Variants in MGAT4C observed in about 807,000 individuals in gnomAD.
MGAT4C encodes MGAT4 family member C.
In MGAT4C, 19 loss-of-function variants were observed where a neutral mutation model predicts 40.1. The ratio of observed to expected loss-of-function variants is 0.47; its 90% CI spans 0.33 to 0.70. The LOEUF is 0.70. Among genes scored for constraint, MGAT4C ranks in the 30% least tolerant of loss-of-function variants. MGAT4C has a pLI of 0.02. For synonymous variants in MGAT4C, 181 were observed against 187.1 expected (o/e 0.97, Z 0.27); for missense variants, 491 against 563.2 (o/e 0.87, Z 1.30).
At chr12:86,143,727 T>C (rs535574598) in intron 1 of MGAT4C, among the ~76,000 whole-genome samples, 5 of 152,202 alleles carry the variant, frequency 3.3e-5, no homozygotes, top group South Asian at 4.2e-4. Flanking sequence ...ACTTGAAAAC[T>C]TGAGTGGCAG....
intron 1 of MGAT4C, among the ~76,000 whole-genome samples, chr12:86,113,305 AT>A (rs1365365965): frequency 6.6e-6 from 1 of 151,832 alleles, no homozygotes; most frequent in Admixed American, 6.6e-5. Flanking sequence ...CTTAAGCAAT[AT>A]TGATGTAGAG....
chr12:86,678,837 T>C (rs1039764061), intron 2 of MGAT4C, among the ~76,000 whole-genome samples: 14 of 152,062 alleles, frequency 9.2e-5, no homozygotes, highest in East Asian at 1.9e-4. Context: ...CATTGTTGGA[T>C]ATTTGGGTTG....
intron 1 of MGAT4C, among the ~76,000 whole-genome samples, chr12:86,777,292 T>C (rs752263934): frequency 6.6e-6 from 1 of 152,210 alleles, no homozygotes; most frequent in Non-Finnish European, 1.5e-5. Context: ...TTAATATATT[T>C]ACCATGGTTA....
At chr12:86,649,980 A>G (rs1182087644) in intron 2 of MGAT4C, among the ~76,000 whole-genome samples, 1 of 152,012 alleles carries the variant, frequency 6.6e-6, no homozygotes, top group Non-Finnish European at 1.5e-5. Context: ...GCAATGCACC[A>G]TCAGTCTGGA....
chr12:86,772,118 T>A (rs1951649965), intron 1 of MGAT4C, among the ~76,000 whole-genome samples: 1 of 152,152 alleles, frequency 6.6e-6, no homozygotes, highest in African/African-American at 2.4e-5. Flanking sequence ...TGTGGCTGAA[T>A]GACCATTTGC....
At chr12:86,437,504 A>G (rs1217571779) in intron 2 of MGAT4C, among the ~76,000 whole-genome samples, 5 of 151,916 alleles carry the variant, frequency 3.3e-5, no homozygotes, top group Non-Finnish European at 5.9e-5. Context: ...CATATTAGTT[A>G]AATGACTTAT....
intron 2 of MGAT4C, among the ~76,000 whole-genome samples, chr12:86,006,702 C>A (rs1039191317): frequency 1.3e-5 from 2 of 152,104 alleles, no homozygotes; most frequent in Admixed American, 6.6e-5. Flanking sequence ...AACATCTGAT[C>A]AAATTTTTCA....
intron 1 of MGAT4C, among the ~76,000 whole-genome samples, chr12:86,782,667 C>T (rs1473449353): frequency 6.6e-6 from 1 of 151,924 alleles, no homozygotes; most frequent in Non-Finnish European, 1.5e-5. Context: ...TGTTTTCAGA[C>T]ATAAGGCCTT....
At chr12:86,182,165 C>T (rs1399669666) in intron 1 of MGAT4C, among the ~76,000 whole-genome samples, 3 of 152,068 alleles carry the variant, frequency 2.0e-5, no homozygotes, top group Non-Finnish European at 4.4e-5. Context: ...TGAATATCAA[C>T]ATTTTATATT....
chr12:86,702,394 C>T (rs1191539797), intron 2 of MGAT4C, among the ~76,000 whole-genome samples: 1 of 152,040 alleles, frequency 6.6e-6, no homozygotes, highest in African/African-American at 2.4e-5. Flanking sequence ...AAGATGCCAT[C>T]CAGGACTGTC....
chr12:86,711,700 G>A (rs1046881665), intron 2 of MGAT4C, among the ~76,000 whole-genome samples: 1 of 152,006 alleles, frequency 6.6e-6, no homozygotes, highest in African/African-American at 2.4e-5. Flanking sequence ...TTATTAAGCT[G>A]ATATTTTTAA....
intron 2 of MGAT4C, among the ~76,000 whole-genome samples, chr12:86,626,553 T>C (rs11610166): frequency 0.12 from 17,993 of 152,190 alleles, 1,747 homozygotes; most frequent in African/African-American, 0.27. Context: ...TAAAAGAGAA[T>C]GGATCTGAAG....
chr12:86,704,419 A>T (rs1016115880), intron 2 of MGAT4C, among the ~76,000 whole-genome samples: 1 of 152,102 alleles, frequency 6.6e-6, no homozygotes, highest in East Asian at 1.9e-4. Context: ...GGAAAAAAAA[A>T]CATATACATG....
chr12:86,118,951 C>T (rs1379261067), intron 1 of MGAT4C, among the ~76,000 whole-genome samples: 1 of 151,804 alleles, frequency 6.6e-6, no homozygotes, highest in Non-Finnish European at 1.5e-5. Flanking sequence ...TGTATAATTT[C>T]AATAGATGAG....
chr12:86,317,700 G>T (rs1368656001), intron 4 of MGAT4C, among the ~76,000 whole-genome samples: 1 of 151,606 alleles, frequency 6.6e-6, no homozygotes, highest in Non-Finnish European at 1.5e-5. Flanking sequence ...AGGCAACTTT[G>T]GCTAAAAATA....
At chr12:86,389,379 C>CT (rs1354642063) in intron 3 of MGAT4C, among the ~76,000 whole-genome samples, 70 of 152,268 alleles carry the variant, frequency 4.6e-4, no homozygotes, top group African/African-American at 1.4e-3. Flanking sequence ...TGATGTCATT[C>CT]TTTTTTATGG....
At chr12:86,365,160 G>T (rs1955564242) in intron 3 of MGAT4C, among the ~76,000 whole-genome samples, 1 of 152,106 alleles carries the variant, frequency 6.6e-6, no homozygotes, top group African/African-American at 2.4e-5. Flanking sequence ...CTTTCTCAGG[G>T]ATGTTCCTTG....
intron 2 of MGAT4C, among the ~76,000 whole-genome samples, chr12:86,655,665 C>G (rs1382195725): frequency 6.6e-6 from 1 of 152,078 alleles, no homozygotes; most frequent in Non-Finnish European, 1.5e-5. Context: ...CATCCTAATA[C>G]AAAATATTAC....
chr12:86,652,684 CA>C (rs1029657197), intron 2 of MGAT4C, among the ~76,000 whole-genome samples: 14 of 151,520 alleles, frequency 9.2e-5, no homozygotes, highest in Non-Finnish European at 2.9e-5. Flanking sequence ...TTGTGAAAAA[CA>C]AAAAAATGAA....
Sources: allele counts gnomAD v4.1 joint callset (sites outside exome capture counted in the v4.1 genomes callset), GRCh38; gene constraint gnomAD v4.1.1; transcripts MANE v1.5; gene names NCBI Gene and HGNC (gene_info 2026-07-23, HGNC 2026-07-21).